Variants in ZC3H12B observed in about 807,000 individuals in gnomAD.
ZC3H12B encodes the protein zinc finger CCCH-type containing 12B, also known as probable ribonuclease ZC3H12B.
In ZC3H12B, 7 loss-of-function variants were observed where a neutral mutation model predicts 43.9. The observed-to-expected ratio is 0.16, with a 90% CI of 0.09 to 0.30. The LOEUF (loss-of-function observed/expected upper bound fraction) is 0.30, where lower values mean the gene tolerates loss of function less well. Ranked by LOEUF, ZC3H12B falls within the 10% of genes least tolerant of loss-of-function variation. ZC3H12B has a pLI of 1.00. For missense variants in ZC3H12B, 475 were observed against 670.2 expected (o/e 0.71, Z 3.22); for synonymous variants, 222 against 241.7 (o/e 0.92, Z 0.76).
chrX:65,278,629 A>T, the ZC3H12B span, among the ~76,000 whole-genome samples: 2 of 111,850 alleles, frequency 1.8e-5, no homozygotes, highest in African/African-American at 6.5e-5. Context: ...TCAACAAGTA[A>T]AGTCCAGGAT....
the ZC3H12B span, among the ~76,000 whole-genome samples, chrX:65,088,956 G>A: frequency 9.0e-6 from 1 of 111,502 alleles, no homozygotes; most frequent in Non-Finnish European, 1.9e-5. Context: ...ACATCATAGA[G>A]TTATTGAAAT....
the ZC3H12B span, among the ~76,000 whole-genome samples, chrX:65,247,309 A>T: frequency 8.9e-6 from 1 of 112,273 alleles, no homozygotes; most frequent in African/African-American, 3.2e-5. Context: ...TTAGTTCTGC[A>T]ATTCTGGAAG....
At chrX:65,137,693 T>G in the ZC3H12B span, among the ~76,000 whole-genome samples, 1 of 112,577 alleles carries the variant, frequency 8.9e-6, no homozygotes, top group Non-Finnish European at 1.9e-5. Flanking sequence ...AAATTAAAAG[T>G]GGATTCTCAC....
chrX:65,397,112 G>T lies in ZC3H12B; in HGVS notation n.296-1481G>T, dbSNP rs1349161191. Among the ~76,000 whole-genome samples the T allele has an allele frequency of 4.5e-5, 5 of 111,321 alleles. No individual in the cohort carries two copies. In the East Asian group the frequency reaches 1.4e-3, roughly 31 times the overall value. ...ATATGTGTCTTTGCACGTGAGATGG[G>T]TCTCCTCAATACTGCACACCGATGA... On this transcript the variant is annotated intron_variant and non_coding_transcript_variant, in intron 2 of 5. Transcript: ENST00000617377.
intron 3 of ZC3H12B, among the ~76,000 whole-genome samples, chrX:65,452,755 T>C (rs185345536): frequency 5.5e-5 from 6 of 109,327 alleles, no homozygotes; most frequent in African/African-American, 2.0e-4. Flanking sequence ...GCAGGAGAAT[T>C]GCTTGAACCT....
the ZC3H12B span, among the ~76,000 whole-genome samples, chrX:65,213,770 G>T: frequency 6.7e-4 from 73 of 109,555 alleles, no homozygotes; most frequent in African/African-American, 2.3e-3. Context: ...TTACTGATTT[G>T]TAGGCATTCA....
the ZC3H12B span, among the ~76,000 whole-genome samples, chrX:65,347,737 T>C: frequency 3.6e-5 from 4 of 112,221 alleles, no homozygotes; most frequent in African/African-American, 1.3e-4. Context: ...CATTACTGGG[T>C]GTATACCCAA....
At chrX:65,202,360 G>A in the ZC3H12B span, among the ~76,000 whole-genome samples, 2 of 107,209 alleles carry the variant, frequency 1.9e-5, no homozygotes, top group South Asian at 4.0e-4. Flanking sequence ...AGTATTGTTT[G>A]TACCTGTCCT....
At chrX:65,114,597 C>A in the ZC3H12B span, among the ~76,000 whole-genome samples, 1 of 110,697 alleles carries the variant, frequency 9.0e-6, no homozygotes, top group Non-Finnish European at 1.9e-5. Flanking sequence ...CCGTTTCATT[C>A]TTGGTACTAA....
the ZC3H12B span, among the ~76,000 whole-genome samples, chrX:65,282,384 C>T: frequency 1.8e-5 from 2 of 111,553 alleles, no homozygotes; most frequent in African/African-American, 3.3e-5. Context: ...AAGGATTTTC[C>T]GTTATGTCAC....
the ZC3H12B span, among the ~76,000 whole-genome samples, chrX:65,305,234 C>T: frequency 6.3e-5 from 7 of 111,061 alleles, no homozygotes; most frequent in Non-Finnish European, 1.1e-4. Context: ...TGGGGAACTA[C>T]AATTTAATCA....
chrX:65,373,996 AG>A lies in ZC3H12B; in HGVS notation n.295+4999del, dbSNP rs1419872992. On this transcript the variant is annotated intron_variant and non_coding_transcript_variant, in intron 2 of 5. Coordinates refer to the ZC3H12B transcript ENST00000617377. ...GTATATATATATACTATATATATAT[AG>A]TATATATATATAACTATATATACAG... Among the ~76,000 whole-genome samples, 61 of 50,272 alleles carry A rather than the reference AG, an allele frequency of 1.2e-3. 4 individuals are homozygous for A. Among genetic ancestry groups the A allele is most frequent in the African/African-American group, 0.01 (60 of 5,871 alleles). 43.7% of individuals were successfully genotyped at this position (50,272 alleles called of 115,157 possible).
At chrX:65,057,641 T>C in the ZC3H12B span, among the ~76,000 whole-genome samples, 2 of 111,851 alleles carry the variant, frequency 1.8e-5, no homozygotes, top group South Asian at 7.5e-4. Flanking sequence ...CCTTGCTAGA[T>C]TGGGGAAGTT....
intron 3 of ZC3H12B, among the ~76,000 whole-genome samples, chrX:65,459,280 AAGG>A (rs2067691707): frequency 8.9e-6 from 1 of 112,077 alleles, no homozygotes; most frequent in African/African-American, 3.2e-5. Context: ...CCAGAGGTAA[AAGG>A]AGGAGATGGT....
the ZC3H12B span, among the ~76,000 whole-genome samples, chrX:65,340,046 C>T: frequency 1.8e-5 from 2 of 111,821 alleles, no homozygotes; most frequent in Non-Finnish European, 3.8e-5. Flanking sequence ...CACCAGCACC[C>T]CAAACCCCTA....
the ZC3H12B span, among the ~76,000 whole-genome samples, chrX:65,188,328 A>T: frequency 9.3e-6 from 1 of 107,779 alleles, no homozygotes; most frequent in African/African-American, 3.4e-5. Context: ...TATACCTAGC[A>T]GTGACATTGC....
At chrX:65,222,629 T>TAAC in the ZC3H12B span, among the ~76,000 whole-genome samples, 1 of 102,842 alleles carries the variant, frequency 9.7e-6, no homozygotes, top group Non-Finnish European at 2.0e-5. Context: ...ATAATAATAA[T>TAAC]AATAATAATA....
the ZC3H12B span, among the ~76,000 whole-genome samples, chrX:65,241,602 C>A: frequency 8.9e-6 from 1 of 112,806 alleles, no homozygotes; most frequent in Non-Finnish European, 1.9e-5. Context: ...TGATCTGGCA[C>A]AGCAGCTGTG....
chrX:65,288,117 C>T, the ZC3H12B span, among the ~76,000 whole-genome samples: 1 of 109,708 alleles, frequency 9.1e-6, no homozygotes, highest in African/African-American at 3.3e-5. Context: ...GAGGAAGATA[C>T]CGAAAATATG....
Sources: gnomAD v4.1 joint callset for allele counts (sites outside exome capture counted in the v4.1 genomes callset) on GRCh38, gnomAD v4.1.1 for gene constraint, MANE v1.5 for transcripts, NCBI Gene and HGNC (gene_info 2026-07-23, HGNC 2026-07-21) for gene names.